The following ZMAT5 variants were observed in gnomAD, a reference collection of about 807,000 sequenced individuals.
The protein encoded by ZMAT5 is zinc finger matrin-type protein 5.
A neutral mutation model predicts 28.0 loss-of-function variants in ZMAT5; 23 were observed. The ratio of observed to expected loss-of-function variants is 0.82; its 90% confidence interval spans 0.59 to 1.16. ZMAT5 has a LOEUF of 1.16. Among genes scored for constraint, ZMAT5 ranks in the 50% most tolerant of loss-of-function variants. The probability of loss-of-function intolerance (pLI) is 0.00; values close to 1 mark genes in which losing one functional copy is unlikely to be tolerated. For missense variants in ZMAT5, 173 were observed against 212.7 expected (o/e 0.81, Z 1.16); for synonymous variants, 76 against 84.1 (o/e 0.90, Z 0.52).
At chr22:29,738,537 G>A in intron 4 of ZMAT5, 96 bp from the exon 5 acceptor site, 1 of 1,032,280 alleles carries the variant, frequency 9.7e-7, no homozygotes, top group South Asian at 1.7e-5. Context: ...TAGGCCCTGA[G>A]CAAGCCTGGG....
In ZMAT5 at chr22:29,760,274, G is replaced by A. The variant is rs532043724; in HGVS notation, c.-28+6598C>T. Among the ~76,000 whole-genome samples, 5 of 152,078 alleles carry A rather than the reference G, an allele frequency of 3.3e-5. No individual in the cohort carries two copies. The South Asian group carries it at 1.0e-3, about 32-fold the overall frequency. ...TGTAATCCCAGCTACTCAGGAGGCT[G>A]AGGCAGGAGAATCGCTTGAACCTGA... On this transcript the variant is annotated intron_variant, in intron 1 of 5. Coordinates refer to ENST00000344318, the MANE Select transcript of ZMAT5 (RefSeq NM_001003692.2).
At chr22:29,762,395 C>A (rs995075575) in intron 1 of ZMAT5, among the ~76,000 whole-genome samples, 1 of 152,242 alleles carries the variant, frequency 6.6e-6, no homozygotes, top group Non-Finnish European at 1.5e-5. Context: ...GGAGCTGGGC[C>A]GCACAGCAGG....
At chr22:29,760,319 A>G (rs1465915206) in intron 1 of ZMAT5, among the ~76,000 whole-genome samples, 2 of 149,676 alleles carry the variant, frequency 1.3e-5, no homozygotes, top group Non-Finnish European at 3.0e-5. Flanking sequence ...CTTGCAGTAA[A>G]CCGAGATTGT....
intron 1 of ZMAT5, among the ~76,000 whole-genome samples, chr22:29,751,871 C>T (rs910150792): frequency 2.6e-5 from 4 of 151,986 alleles, no homozygotes; most frequent in African/African-American, 4.8e-5. Context: ...GGAAGTGAGG[C>T]AGGAGGCTGG....
intron 1 of ZMAT5, among the ~76,000 whole-genome samples, chr22:29,756,083 G>C (rs1036384611): frequency 1.3e-5 from 2 of 152,274 alleles, no homozygotes; most frequent in Non-Finnish European, 2.9e-5. Flanking sequence ...CTCGGCCTTT[G>C]GCCAGGGGCT....
At position 29,740,716 on chromosome 22, in the gene ZMAT5, C is replaced by T. The variant is rs2067954467; in HGVS notation, c.205G>A (p.Gly69Ser). 1 of 1,598,118 alleles carries T rather than the reference C, an allele frequency of 6.3e-7. No homozygotes were observed. The highest frequency in any genetic ancestry group is 8.5e-7 in the Non-Finnish European group (1 of 1,172,752). Reference protein sequence around the residue: ...KFLLTGQCDFGSNCRFSHMSE... With the variant: ...KFLLTGQCDFSSNCRFSHMSE... ...ATGTGGGAAAATCTGCAGTTGGAGC[C>T]AAAGTCGCACTGGCCTGCAGCAGGA... The change falls in exon 4 of 6, where the codon GGC (glycine) becomes AGC (serine). Residue 69 changes from glycine (G) to serine (S), a missense_variant. By Grantham distance (56) the Gly-to-Ser change is moderately conservative. Coordinates refer to ENST00000344318, the MANE Select transcript of ZMAT5 (RefSeq NM_001003692.2).
chr22:29,731,652 A>G, intron 5 of ZMAT5: 1 of 354,450 alleles, frequency 2.8e-6, no homozygotes, highest in Non-Finnish European at 5.1e-6. Flanking sequence ...TCCACAGCAG[A>G]GAATGCCATG....
At chr22:29,759,657 C>T (rs1226374932) in intron 1 of ZMAT5, among the ~76,000 whole-genome samples, 2 of 151,914 alleles carry the variant, frequency 1.3e-5, no homozygotes, top group East Asian at 3.9e-4. Flanking sequence ...GTAGTCCTTG[C>T]TACTCAAGAT....
At chr22:29,756,690 C>A (rs912446509) in intron 1 of ZMAT5, among the ~76,000 whole-genome samples, 1 of 152,194 alleles carries the variant, frequency 6.6e-6, no homozygotes, top group African/African-American at 2.4e-5. Context: ...AGGAGGATCA[C>A]TTGAGCCCAG....
chr22:29,733,922 T>G (rs572681879), intron 5 of ZMAT5, among the ~76,000 whole-genome samples: 3 of 152,282 alleles, frequency 2.0e-5, no homozygotes, highest in African/African-American at 7.2e-5. Flanking sequence ...TTGGGGACAT[T>G]GAGGTGCGTG....
At chr22:29,762,670 A>G (rs1490109575) in intron 1 of ZMAT5, among the ~76,000 whole-genome samples, 2 of 152,198 alleles carry the variant, frequency 1.3e-5, no homozygotes, top group African/African-American at 4.8e-5. Context: ...CAGGCCTCCC[A>G]CTGATTCTAC....
At chr22:29,748,130 C>T (rs558737618) in intron 2 of ZMAT5, 3 of 429,068 alleles carry the variant, frequency 7.0e-6, no homozygotes, top group African/African-American at 6.1e-5. Flanking sequence ...CTCTTCACAC[C>T]CTCCACCCAG....
chr22:29,754,223 G>A (rs896449516), intron 1 of ZMAT5, among the ~76,000 whole-genome samples: 2 of 152,114 alleles, frequency 1.3e-5, no homozygotes, highest in Non-Finnish European at 2.9e-5. Context: ...GGTGGCACAC[G>A]CAGCAGAGTG....
At chr22:29,739,073 G>A (rs2067936699) in intron 4 of ZMAT5, among the ~76,000 whole-genome samples, 1 of 151,958 alleles carries the variant, frequency 6.6e-6, no homozygotes, top group Non-Finnish European at 1.5e-5. Flanking sequence ...GAGGTGCAGG[G>A]AGGCAGTGAG....
chr22:29,749,774 G>C (rs555476016), intron 1 of ZMAT5, among the ~76,000 whole-genome samples: 28 of 152,256 alleles, frequency 1.8e-4, no homozygotes, highest in African/African-American at 6.0e-4. Flanking sequence ...CTGTTCTCAT[G>C]ATAGTGAAGA....
At chr22:29,762,625 C>T (rs535782162) in intron 1 of ZMAT5, among the ~76,000 whole-genome samples, 1 of 152,354 alleles carries the variant, frequency 6.6e-6, no homozygotes, top group East Asian at 1.9e-4. Context: ...CCCATCACCC[C>T]CAGATGGGAC....
intron 2 of ZMAT5, among the ~76,000 whole-genome samples, chr22:29,745,105 T>A (rs1403382824): frequency 2.6e-5 from 4 of 152,266 alleles, no homozygotes; most frequent in Non-Finnish European, 5.9e-5. Context: ...TCGGAGCTGG[T>A]CCTTCCTTCT....
chr22:29,748,510 C>T lies in ZMAT5; in HGVS notation c.35G>A (p.Arg12His), dbSNP rs540359346. ...GTTGTGGAGGTTGTCCTGGAAGGAG[C>T]GGTCGCAGTAGTCACAGAAGTATCG... ...GKRYFCDYCD[R>H]SFQDNLHNRK... Residue 12 changes from arginine (R) to histidine (H), a missense_variant, in exon 2 of 6, where the codon CGC becomes CAC. Transcript: ENST00000344318. 8.1e-6 allele frequency: 13 copies of T among 1,614,214 alleles called. No homozygotes were observed. Among genetic ancestry groups the T allele is most frequent in the African/African-American group, 4.0e-5 (3 of 75,056 alleles).
chr22:29,761,132 G>A (rs920244268), intron 1 of ZMAT5, among the ~76,000 whole-genome samples: 1 of 151,780 alleles, frequency 6.6e-6, no homozygotes, highest in Non-Finnish European at 1.5e-5. Context: ...AATTAGCTGG[G>A]CGTGGTGGTG....
Sources: allele counts gnomAD v4.1 joint callset (sites outside exome capture counted in the v4.1 genomes callset), GRCh38; gene constraint gnomAD v4.1.1; transcripts MANE v1.5; gene names NCBI Gene and HGNC (gene_info 2026-07-23, HGNC 2026-07-21).